Variants in ZC2HC1B observed in about 807,000 individuals in gnomAD.
ZC2HC1B encodes zinc finger C2HC-type containing 1B.
In ZC2HC1B, 36 loss-of-function variants were observed where a neutral mutation model predicts 31.0. The ratio of observed to expected loss-of-function variants is 1.16; its 90% CI spans 0.89 to 1.54. The LOEUF (loss-of-function observed/expected upper bound fraction) is 1.54, where lower values mean the gene tolerates loss of function less well. Ranked by LOEUF, ZC2HC1B falls within the 40% of genes most tolerant of loss-of-function variation. The pLI is 0.00. For synonymous variants in ZC2HC1B, 73 were observed against 88.0 expected, an observed-to-expected ratio of 0.83 and a Z score of 0.95; for missense variants, 260 against 268.6, an observed-to-expected ratio of 0.97 and a Z score of 0.22.
chr6:143,892,122 GT>G (rs894705377), intron 4 of ZC2HC1B, among the ~76,000 whole-genome samples: 10 of 152,060 alleles, frequency 6.6e-5, no homozygotes, highest in African/African-American at 2.4e-4. Context: ...AGAAAAGGGG[GT>G]TTTTTGGCTC....
chr6:143,875,283 A>G (rs964698897), intron 1 of ZC2HC1B, among the ~76,000 whole-genome samples: 1 of 152,086 alleles, frequency 6.6e-6, no homozygotes, highest in Non-Finnish European at 1.5e-5. Flanking sequence ...TCAAGGGTAT[A>G]TTTTCTGGAC....
chr6:143,917,932 C>A lies in ZC2HC1B; in HGVS notation c.598+14780C>A, dbSNP rs1212435798. ...TTTAAAATGTGTTAGTCTCTTCGAT[C>A]ATGTAGAAAACAAAAAAGTGGAGTT... On this transcript the variant is annotated intron_variant, in intron 6 of 7. Coordinates refer to ENST00000237275, the MANE Select transcript of ZC2HC1B (RefSeq NM_001013623.3). The surrounding 1 kb of genome is among the most constrained non-coding windows in gnomAD (Gnocchi z 4.1). Among the ~76,000 whole-genome samples the A allele has an allele frequency of 6.6e-6, 1 of 152,174 alleles. No homozygotes were observed. Among genetic ancestry groups the A allele is most frequent in the Non-Finnish European group, 1.5e-5 (1 of 68,030 alleles).
chr6:143,924,053 CA>C lies in ZC2HC1B; in HGVS notation c.599-13594del, dbSNP rs1386782116. Among the ~76,000 whole-genome samples the C allele has an allele frequency of 6.6e-6, 1 of 152,018 alleles. No individual in the cohort carries two copies. Among genetic ancestry groups the C allele is most frequent in the Non-Finnish European group, 1.5e-5 (1 of 67,962 alleles). On this transcript the variant is annotated intron_variant, in intron 6 of 7. Coordinates refer to ENST00000237275, the MANE Select transcript of ZC2HC1B (RefSeq NM_001013623.3). The surrounding 1 kb of genome is among the most constrained non-coding windows in gnomAD (Gnocchi z 5.2). ...GCTTTGGGTAGTATGGTCATTTTAA[CA>C]ATAGTAATTCTTCTGAGTCATGAGC...
chr6:143,880,617 C>T (rs1174779456), intron 1 of ZC2HC1B, among the ~76,000 whole-genome samples: 3 of 152,012 alleles, frequency 2.0e-5, no homozygotes, highest in Non-Finnish European at 4.4e-5. Context: ...GGCCAAGTAG[C>T]ATAATTTTTG....
intron 6 of ZC2HC1B, among the ~76,000 whole-genome samples, chr6:143,935,819 T>C (rs996310640): frequency 9.2e-5 from 14 of 151,934 alleles, no homozygotes; most frequent in African/African-American, 3.4e-4. Flanking sequence ...CATACCCAGA[T>C]AATTTTTTTT....
At chr6:143,896,696 A>G (rs1033800665) in intron 4 of ZC2HC1B, among the ~76,000 whole-genome samples, 3 of 152,172 alleles carry the variant, frequency 2.0e-5, no homozygotes, top group African/African-American at 4.8e-5. Flanking sequence ...GAAACAGGTG[A>G]TATGTAGGTG....
rs1395151114 is a variant in ZC2HC1B, at chr6:143,937,752, C to T, written c.*14+19C>T. 19 of 1,514,260 alleles carry T rather than the reference C, an allele frequency of 1.3e-5. No individual in the cohort carries two copies. The highest frequency in any genetic ancestry group is 6.2e-5 in the South Asian group (5 of 80,972). 93.8% of individuals were successfully genotyped at this position (1,514,260 alleles called of 1,614,324 possible). ...AAGCCAGGTAAGAAAAAAAAATCAC[C>T]GCTAATCCAGCTGTTGCTGACCAGT... is the stretch of plus-strand genomic sequence containing the variant. On this transcript the variant is annotated intron_variant, in intron 7 of 7. Coordinates refer to ENST00000237275, the MANE Select transcript of ZC2HC1B (RefSeq NM_001013623.3).
intron 5 of ZC2HC1B, among the ~76,000 whole-genome samples, chr6:143,900,686 A>T (rs1007000219): frequency 2.6e-5 from 4 of 152,178 alleles, no homozygotes; most frequent in African/African-American, 7.2e-5. Context: ...ATGATTAGAC[A>T]TAGGATAAAA....
chr6:143,935,273 G>A (rs1778163202), intron 6 of ZC2HC1B, among the ~76,000 whole-genome samples: 1 of 152,134 alleles, frequency 6.6e-6, no homozygotes, highest in Non-Finnish European at 1.5e-5. Context: ...GGCAGGGTGG[G>A]TTGATCCCCA....
At position 143,887,741 on chromosome 6, in the gene ZC2HC1B, AAGTT is replaced by A. The variant is rs1289150810; in HGVS notation, c.349+923_349+926del. ...TCTATCTCATCTTTATGTAAACTGA[AAGTT>A]AGGGCTAGAATCTCAATGAGATTAG... On this transcript the variant is annotated intron_variant, in intron 4 of 7. Coordinates refer to ENST00000237275, the MANE Select transcript of ZC2HC1B (RefSeq NM_001013623.3). The surrounding 1 kb of genome is among the most constrained non-coding windows in gnomAD (Gnocchi z 5.1). 4.6e-5 allele frequency among the ~76,000 whole-genome samples: 7 copies of A among 152,078 alleles called. No homozygotes were observed. The highest frequency in any genetic ancestry group is 2.1e-4 in the South Asian group (1 of 4,830).
At chr6:143,892,800 A>G (rs1777616785) in intron 4 of ZC2HC1B, among the ~76,000 whole-genome samples, 1 of 152,216 alleles carries the variant, frequency 6.6e-6, no homozygotes, top group African/African-American at 2.4e-5. Context: ...TCAACCATAT[A>G]TAAAAAGTCA....
chr6:143,936,646 G>C (rs751100821), intron 6 of ZC2HC1B, among the ~76,000 whole-genome samples: 17 of 152,142 alleles, frequency 1.1e-4, no homozygotes, highest in Admixed American at 2.0e-4. Flanking sequence ...TGAGATCTTC[G>C]TACAGAGACT....
At chr6:143,864,594 T>C (rs1201763999) in intron 1 of ZC2HC1B, 27 bp downstream of exon 1, 2 of 1,551,310 alleles carry the variant, frequency 1.3e-6, no homozygotes, top group Admixed American at 2.0e-5. Flanking sequence ...ATCTAAATTA[T>C]TAGAAAATGC....
chr6:143,886,598 G>A lies in ZC2HC1B; in HGVS notation c.211-85G>A. The A allele has an allele frequency of 7.7e-7, 1 of 1,291,716 alleles. No individual in the cohort carries two copies. The highest frequency in any genetic ancestry group is 1.0e-6 in the Non-Finnish European group (1 of 993,640). 80.0% of individuals were successfully genotyped at this position (1,291,716 alleles called of 1,614,324 possible). A position where few individuals can be genotyped will look rare whatever the true frequency, so the allele number is the denominator to read the frequency against. On this transcript the variant is annotated intron_variant, in intron 3 of 7. Coordinates refer to ENST00000237275, the MANE Select transcript of ZC2HC1B (RefSeq NM_001013623.3). This position sits in a 1 kb window ranked among gnomAD's most constrained non-coding sequence, Gnocchi z 4.2. ...CCCAATTTTCACAGTTCTGTTTCCT[G>A]TGAATTCAAATTCCAGCTTTAAACA... is the stretch of plus-strand genomic sequence containing the variant.
At chr6:143,937,985 CCT>C (rs1386859520) in intron 7 of ZC2HC1B, among the ~76,000 whole-genome samples, 155 bp from the exon 8 acceptor site, 2 of 152,204 alleles carry the variant, frequency 1.3e-5, no homozygotes, top group Non-Finnish European at 2.9e-5. Flanking sequence ...CTGCCTTTTC[CCT>C]TTTTCTAAGC....
chr6:143,909,372 G>C (rs541626314), intron 6 of ZC2HC1B, among the ~76,000 whole-genome samples: 2 of 151,970 alleles, frequency 1.3e-5, no homozygotes, highest in Non-Finnish European at 2.9e-5. Flanking sequence ...ACTCCAGCCT[G>C]GGTGACAGAG....
Position 143,917,580 on chromosome 6 carries a change from A to G in ZC2HC1B, c.598+14428A>G, listed in dbSNP as rs1332010414. 6.6e-6 allele frequency among the ~76,000 whole-genome samples: 1 copy of G among 152,186 alleles called. No homozygotes were observed. Among genetic ancestry groups the G allele is most frequent in the Admixed American group, 6.5e-5 (1 of 15,282 alleles). ...CCCATTTTGTTATTGATGTCACAAA[A>G]TTACATCTTTATACAGGTTGAATGC... On this transcript the variant is annotated intron_variant, in intron 6 of 7. Transcript: ENST00000237275. This position sits in a 1 kb window ranked among gnomAD's most constrained non-coding sequence, Gnocchi z 4.1.
chr6:143,882,334 T>TATATATATATATATATATA lies in ZC2HC1B; in HGVS notation c.29-1970_29-1969insATATATATATATATATATA, dbSNP rs1554237238. The stretch of plus-strand genomic sequence containing the variant: ...AATATGTATACATATTTTATATTTT[T>TATATATATATATATATATA]TATATATATATATATATATATATAT... On this transcript the variant is annotated intron_variant, in intron 1 of 7. Coordinates refer to ENST00000237275, the MANE Select transcript of ZC2HC1B (RefSeq NM_001013623.3). Among the ~76,000 whole-genome samples, 179 of 85,456 alleles carry TATATATATATATATATATA rather than the reference T, an allele frequency of 2.1e-3. 4 individuals are homozygous for TATATATATATATATATATA. The highest frequency in any genetic ancestry group is 6.1e-3 in the African/African-American group (96 of 15,652). The allele number at this position is 85,456 out of a possible 152,430, so 56.1% of individuals were successfully genotyped here. A position where few individuals can be genotyped will look rare whatever the true frequency, so the allele number is the denominator to read the frequency against.
At chr6:143,892,071 G>A (rs1359429361) in intron 4 of ZC2HC1B, among the ~76,000 whole-genome samples, 1 of 152,120 alleles carries the variant, frequency 6.6e-6, no homozygotes, top group Non-Finnish European at 1.5e-5. Context: ...TAATCTGTTT[G>A]TGTTGCTATA....
Sources: gnomAD v4.1 joint callset for allele counts (sites outside exome capture counted in the v4.1 genomes callset) on GRCh38, gnomAD v4.1.1 for gene constraint, Gnocchi (gnomAD v3.1) non-coding constraint, MANE v1.5 for transcripts, NCBI Gene and HGNC (gene_info 2026-07-23, HGNC 2026-07-21) for gene names.